GPC6: variants seen among roughly 807,000 people sequenced by gnomAD.
GPC6 encodes glypican 6.
Under a neutral mutation model 55.2 loss-of-function variants are expected in GPC6, and 14 were observed. The ratio of observed to expected loss-of-function variants is 0.25; its 90% CI spans 0.17 to 0.40. The LOEUF (loss-of-function observed/expected upper bound fraction) is 0.40. GPC6 is among the 10% of genes least tolerant of loss of function. GPC6 has a pLI of 1.00. For synonymous variants in GPC6, 278 were observed against 259.6 expected (o/e 1.07, Z -0.68); for missense variants, 641 against 708.5 (o/e 0.90, Z 1.08).
chr13:93,767,513 A>G (rs1279147873), intron 2 of GPC6, among the ~76,000 whole-genome samples: 1 of 152,204 alleles, frequency 6.6e-6, no homozygotes, highest in Non-Finnish European at 1.5e-5. Context: ...TTCAAACAAA[A>G]TGAACTGGAA....
chr13:94,343,183 T>C (rs191952221), intron 6 of GPC6, among the ~76,000 whole-genome samples: 12 of 152,174 alleles, frequency 7.9e-5, no homozygotes, highest in Non-Finnish European at 1.2e-4. Flanking sequence ...CATTTTGGTT[T>C]TTATTGATTC....
chr13:94,401,859 G>A (rs1028323927), intron 8 of GPC6, among the ~76,000 whole-genome samples: 9 of 152,114 alleles, frequency 5.9e-5, no homozygotes, highest in African/African-American at 1.9e-4. Context: ...TTAGGCCCAG[G>A]AGTTTGGGGC....
intron 3 of GPC6, among the ~76,000 whole-genome samples, chr13:94,006,923 T>C (rs1387862065): frequency 6.6e-6 from 1 of 152,212 alleles, no homozygotes; most frequent in African/African-American, 2.4e-5. Context: ...TATGTTGGCA[T>C]GAGAAATTTT....
chr13:94,083,359 G>C (rs557847608), intron 4 of GPC6, among the ~76,000 whole-genome samples: 95 of 152,170 alleles, frequency 6.2e-4, no homozygotes, highest in African/African-American at 1.5e-3. Context: ...ACCTTGTGAT[G>C]CGCCCACCTT....
chr13:93,578,765 G>T (rs1291601872), intron 2 of GPC6, among the ~76,000 whole-genome samples: 2 of 150,968 alleles, frequency 1.3e-5, no homozygotes, highest in African/African-American at 2.4e-5. Context: ...GTTCCTTGAG[G>T]TTCATTTTTA....
At chr13:93,377,633 T>G (rs995727466) in intron 1 of GPC6, among the ~76,000 whole-genome samples, 6 of 152,228 alleles carry the variant, frequency 3.9e-5, no homozygotes, top group African/African-American at 1.4e-4. Flanking sequence ...AATTCTTTTG[T>G]TAATGCTGTG....
intron 1 of GPC6, among the ~76,000 whole-genome samples, chr13:93,484,890 C>T (rs538511220): frequency 1.3e-5 from 2 of 152,242 alleles, no homozygotes; most frequent in East Asian, 3.9e-4. Flanking sequence ...TTGTGCATTA[C>T]TTTCAAAGAT....
chr13:93,952,852 ACG>A (rs1446194541), intron 3 of GPC6, among the ~76,000 whole-genome samples: 1 of 138,294 alleles, frequency 7.2e-6, no homozygotes, highest in Non-Finnish European at 1.6e-5. Flanking sequence ...ACATATATAT[ACG>A]TATATATATG....
intron 3 of GPC6, among the ~76,000 whole-genome samples, chr13:93,921,068 C>T (rs749977939): frequency 2.0e-5 from 3 of 152,214 alleles, no homozygotes; most frequent in Non-Finnish European, 2.9e-5. Flanking sequence ...TTGTCTCTAT[C>T]AGTCCTGCCA....
At chr13:93,505,345 A>T (rs1880668853) in intron 1 of GPC6, among the ~76,000 whole-genome samples, 2 of 152,100 alleles carry the variant, frequency 1.3e-5, no homozygotes, top group Non-Finnish European at 2.9e-5. Flanking sequence ...GTCTCTAGTT[A>T]CACTATTTTC....
intron 2 of GPC6, among the ~76,000 whole-genome samples, chr13:93,697,545 CCA>C (rs934728436): frequency 1.3e-5 from 2 of 152,144 alleles, no homozygotes; most frequent in Non-Finnish European, 2.9e-5. Flanking sequence ...GCTGTTGAAT[CCA>C]CAGTTATTAG....
intron 2 of GPC6, among the ~76,000 whole-genome samples, chr13:93,683,207 T>C (rs1378075965): frequency 6.6e-6 from 1 of 152,164 alleles, no homozygotes; most frequent in Non-Finnish European, 1.5e-5. Flanking sequence ...TTAGCTTTGT[T>C]CATTACCACC....
intron 1 of GPC6, among the ~76,000 whole-genome samples, chr13:93,329,384 T>G (rs941532387): frequency 6.6e-6 from 1 of 152,218 alleles, no homozygotes; most frequent in Non-Finnish European, 1.5e-5. Context: ...TTCATAACTA[T>G]GTAAAAGCTT....
intron 3 of GPC6, among the ~76,000 whole-genome samples, chr13:93,853,811 A>G (rs1336766388): frequency 6.6e-6 from 1 of 151,712 alleles, no homozygotes; most frequent in Non-Finnish European, 1.5e-5. Context: ...TTTTATTTTT[A>G]ATATTTGTGT....
intron 1 of GPC6, among the ~76,000 whole-genome samples, chr13:93,300,172 C>T (rs1283040275): frequency 6.6e-6 from 1 of 152,192 alleles, no homozygotes; most frequent in Non-Finnish European, 1.5e-5. Context: ...AGGAGGGGTA[C>T]ATCCAGGAAA....
intron 1 of GPC6, among the ~76,000 whole-genome samples, chr13:93,398,732 G>A (rs1056255103): frequency 1.3e-5 from 2 of 152,050 alleles, no homozygotes; most frequent in Non-Finnish European, 1.5e-5. Context: ...CATTACCCTC[G>A]AGAGGCAGAG....
At chr13:93,436,248 C>T (rs1877568183) in intron 1 of GPC6, among the ~76,000 whole-genome samples, 2 of 151,836 alleles carry the variant, frequency 1.3e-5, no homozygotes, top group East Asian at 3.9e-4. Flanking sequence ...TTGTAAATGA[C>T]ATTGAAATCA....
At position 93,789,370 on chromosome 13, in the gene GPC6, A is replaced by G. The variant is rs1885919024; in HGVS notation, c.320-40784A>G. On this transcript the variant is annotated intron_variant, in intron 2 of 8. Transcript: ENST00000377047. The stretch of plus-strand genomic sequence containing the variant: ...TCACTGTTAAGGTAGTAAAAGAATA[A>G]TGATGTGGCTCCTACTCTCCAGGAA... 1.3e-5 allele frequency among the ~76,000 whole-genome samples: 2 copies of G among 151,156 alleles called. 1 individual carries two copies.
intron 4 of GPC6, among the ~76,000 whole-genome samples, chr13:94,162,697 A>G (rs970796258): frequency 3.3e-5 from 5 of 152,062 alleles, no homozygotes; most frequent in Non-Finnish European, 1.5e-5. Context: ...GAATTTAGGA[A>G]TTTGGGTCAA....
Sources: gnomAD v4.1 joint callset for allele counts (sites outside exome capture counted in the v4.1 genomes callset) on GRCh38, gnomAD v4.1.1 for gene constraint, MANE v1.5 for transcripts, NCBI Gene and HGNC (gene_info 2026-07-23, HGNC 2026-07-21) for gene names.